Variants in RBPJ observed in about 807,000 individuals in gnomAD.
RBPJ encodes recombination signal binding protein for immunoglobulin kappa J region, also known as recombining binding protein suppressor of hairless.
In RBPJ, 9 loss-of-function variants were observed where a neutral mutation model predicts 67.8. The observed-to-expected ratio is 0.13, with a 90% confidence interval of 0.08 to 0.23. The LOEUF (loss-of-function observed/expected upper bound fraction) is 0.23, where lower values mean the gene tolerates loss of function less well. RBPJ is among the 10% of genes least tolerant of loss of function. RBPJ has a pLI of 1.00. For synonymous variants in RBPJ, 198 were observed against 203.3 expected, an observed-to-expected ratio of 0.97 and a Z score of 0.22; for missense variants, 305 against 595.6, an observed-to-expected ratio of 0.51 and a Z score of 5.08.
At chr4:26,319,877 G>A (rs1195297827), upstream of RBPJ, 1 of 1,601,016 alleles carries the variant, frequency 6.2e-7, no homozygotes, top group Non-Finnish European at 8.5e-7. Flanking sequence ...GGGGAAAGAT[G>A]GGGGGCTGCA....
chr4:26,223,362 G>A (rs1718978711), intron 1 of RBPJ, among the ~76,000 whole-genome samples: 1 of 152,032 alleles, frequency 6.6e-6, no homozygotes, highest in Admixed American at 6.6e-5. Flanking sequence ...ACTTTATCAA[G>A]GACTACAACA....
intron 1 of RBPJ, among the ~76,000 whole-genome samples, chr4:26,178,973 A>G (rs898635923): frequency 6.6e-6 from 1 of 152,108 alleles, no homozygotes; most frequent in Admixed American, 6.6e-5. Flanking sequence ...GTTGGGCCTC[A>G]CGTGCGGCCT....
rs1314247870 is a variant in RBPJ, at chr4:26,433,824, A to C, written c.*2817A>C. ...GAACCTTGTCCTCTGGTTATAGTAG[A>C]CTGTGTGCCCTCCTCCAGTGATGGC... is the stretch of plus-strand genomic sequence containing the variant. On this transcript the variant is annotated 3_prime_UTR_variant, in exon 11 of 11. Coordinates refer to ENST00000355476, the MANE Select transcript of RBPJ (RefSeq NM_015874.6). 1 of 152,162 alleles carries C rather than the reference A, an allele frequency of 6.6e-6. No individual in the cohort carries two copies. The highest frequency in any genetic ancestry group is 2.4e-5 in the African/African-American group (1 of 41,426). The allele number at this position is 152,162 out of a possible 1,614,324, so 9.4% of individuals were successfully genotyped here. A position where few individuals can be genotyped will look rare whatever the true frequency, so the allele number is the denominator to read the frequency against.
Position 26,412,377 on chromosome 4 carries a change from G to C in RBPJ, c.156-3098G>C, listed in dbSNP as rs530603029. Reference sequence around the variant, plus strand: ...CTCCTGAGTAACTGGGACTACAGGCGTGCGCCACCATGCCTGGCTAATTTT... The same window carrying C: ...CTCCTGAGTAACTGGGACTACAGGCCTGCGCCACCATGCCTGGCTAATTTT... On this transcript the variant is annotated intron_variant, in intron 3 of 10. Coordinates refer to ENST00000355476, the MANE Select transcript of RBPJ (RefSeq NM_015874.6). 2.0e-3 allele frequency among the ~76,000 whole-genome samples: 305 copies of C among 152,070 alleles called. 1 individual carries two copies. Among genetic ancestry groups the C allele is most frequent in the African/African-American group, 7.0e-3 (290 of 41,508 alleles).
chr4:26,410,044 G>A (rs1451125613), intron 3 of RBPJ: 3 of 455,070 alleles, frequency 6.6e-6, no homozygotes, highest in Non-Finnish European at 1.3e-5. Flanking sequence ...AAAAACAGGT[G>A]TTAGTAGTAA....
intron 1 of RBPJ, among the ~76,000 whole-genome samples, chr4:26,214,360 G>A (rs1004595930): frequency 7.9e-6 from 1 of 126,678 alleles, no homozygotes; most frequent in Non-Finnish European, 1.7e-5. Flanking sequence ...AGAGAAAGGA[G>A]GAAGGAAGGA....
At chr4:26,231,568 T>C (rs979820179) in intron 1 of RBPJ, among the ~76,000 whole-genome samples, 11 of 151,934 alleles carry the variant, frequency 7.2e-5, no homozygotes, top group Non-Finnish European at 1.5e-4. Context: ...CCCGCCACCA[T>C]GCCCAGCTAC....
intron 5 of RBPJ, among the ~76,000 whole-genome samples, chr4:26,423,820 A>T (rs1164293104): frequency 2.6e-5 from 4 of 152,220 alleles, no homozygotes; most frequent in Non-Finnish European, 5.9e-5. Context: ...GGCATTTACC[A>T]TCAACTCTGA....
chr4:26,343,843 T>A (rs6853954), intron 1 of RBPJ, among the ~76,000 whole-genome samples: 1 of 148,858 alleles, frequency 6.7e-6, no homozygotes, highest in Non-Finnish European at 1.5e-5. Context: ...CTCCACCTCC[T>A]GGGCTCAAGT....
intron 4 of RBPJ, among the ~76,000 whole-genome samples, chr4:26,417,639 A>C (rs77552331): frequency 6.6e-6 from 1 of 152,204 alleles, no homozygotes; most frequent in Non-Finnish European, 1.5e-5. Flanking sequence ...AGAAAAAAAA[A>C]CAATATAATC....
At position 26,410,069 on chromosome 4, in the gene RBPJ, T is replaced by G. The variant is rs1305288893; in HGVS notation, c.155+3799T>G. On this transcript the variant is annotated intron_variant, in intron 3 of 10. Coordinates refer to ENST00000355476, the MANE Select transcript of RBPJ (RefSeq NM_015874.6). ...GTTAGTAGTAAAGGACTGCTAATGCTAATCTAGCCCTCTGGATGTCTGTCA... is the reference window on the plus strand; with the variant it reads ...GTTAGTAGTAAAGGACTGCTAATGCGAATCTAGCCCTCTGGATGTCTGTCA... 1.3e-5 allele frequency: 6 copies of G among 454,868 alleles called. No homozygotes were observed. In the East Asian group the frequency reaches 3.5e-4, roughly 26 times the overall value. The allele number at this position is 454,868 out of a possible 1,614,324, so 28.2% of individuals were successfully genotyped here.
the RBPJ span, among the ~76,000 whole-genome samples, chr4:26,135,466 G>A: frequency 6.6e-6 from 1 of 151,978 alleles, no homozygotes; most frequent in East Asian, 1.9e-4. Flanking sequence ...GCCAACATTA[G>A]CAATCCTCGT....
At chr4:26,225,587 A>C (rs564352324) in intron 1 of RBPJ, among the ~76,000 whole-genome samples, 1 of 152,186 alleles carries the variant, frequency 6.6e-6, no homozygotes, top group African/African-American at 2.4e-5. Flanking sequence ...GCGAACCATG[A>C]TGTAAACTAT....
intron 2 of RBPJ, among the ~76,000 whole-genome samples, chr4:26,389,091 T>A (rs1248573577): frequency 6.7e-6 from 1 of 149,408 alleles, no homozygotes; most frequent in South Asian, 2.2e-4. Context: ...TAGCCAGGAG[T>A]TGTGGCACGT....
chr4:26,298,437 A>G (rs1721958533), intron 1 of RBPJ, among the ~76,000 whole-genome samples: 1 of 152,214 alleles, frequency 6.6e-6, no homozygotes, highest in South Asian at 2.1e-4. Context: ...ACAAATAATC[A>G]GTGTGTTTTT....
At chr4:26,336,529 A>G (rs1724851272) in intron 1 of RBPJ, among the ~76,000 whole-genome samples, 1 of 152,100 alleles carries the variant, frequency 6.6e-6, no homozygotes, top group Non-Finnish European at 1.5e-5. Context: ...GTGTGTCTGT[A>G]GTCCTACCTA....
upstream of RBPJ, chr4:26,319,798 G>A (rs1722829042): frequency 7.2e-7 from 1 of 1,381,148 alleles, no homozygotes; most frequent in African/African-American, 1.4e-5. Flanking sequence ...CCAGTTCTCC[G>A]GGTTTTGGGG....
At chr4:26,270,244 C>T (rs1213876951) in intron 1 of RBPJ, among the ~76,000 whole-genome samples, 3 of 139,978 alleles carry the variant, frequency 2.1e-5, no homozygotes, top group Non-Finnish European at 4.6e-5. Flanking sequence ...AATCGTACCA[C>T]TGCTCTCCAG....
the RBPJ span, among the ~76,000 whole-genome samples, chr4:26,141,790 C>G: frequency 6.6e-6 from 1 of 152,156 alleles, no homozygotes; most frequent in Non-Finnish European, 1.5e-5. Context: ...CCAACCTCTC[C>G]TTATCCTCTC....
Sources: gnomAD v4.1 joint callset for allele counts (sites outside exome capture counted in the v4.1 genomes callset) on GRCh38, gnomAD v4.1.1 for gene constraint, MANE v1.5 for transcripts, NCBI Gene and HGNC (gene_info 2026-07-23, HGNC 2026-07-21) for gene names.